C1orf185: variants seen among roughly 807,000 people sequenced by gnomAD.
C1orf185 encodes the protein chromosome 1 open reading frame 185.
C1orf185 carries 13 observed loss-of-function variants against 16.1 expected under a neutral mutation model. The observed-to-expected ratio is 0.81, with a 90% CI of 0.53 to 1.28. The LOEUF (loss-of-function observed/expected upper bound fraction) is 1.28, where lower values mean the gene tolerates loss of function less well. Among genes scored for constraint, C1orf185 ranks in the 50% most tolerant of loss-of-function variants. C1orf185 has a pLI of 0.00. For missense variants in C1orf185, 220 were observed against 225.2 expected (o/e 0.98, Z 0.15); for synonymous variants, 80 against 76.9 (o/e 1.04, Z -0.21).
intron 1 of C1orf185, among the ~76,000 whole-genome samples, chr1:51,106,668 G>C (rs1202090513): frequency 6.6e-6 from 1 of 151,732 alleles, no homozygotes; most frequent in Non-Finnish European, 1.5e-5. Context: ...TTGGAGAAAA[G>C]CAGAAAAAGG....
At chr1:51,132,094 A>G (rs1646289767) in intron 3 of C1orf185, among the ~76,000 whole-genome samples, 1 of 152,330 alleles carries the variant, frequency 6.6e-6, no homozygotes, top group Non-Finnish European at 1.5e-5. Flanking sequence ...GGTGAAAAGG[A>G]AAAAGAAAAC....
chr1:51,104,668 G>A (rs1469447463), intron 1 of C1orf185, among the ~76,000 whole-genome samples: 2 of 152,198 alleles, frequency 1.3e-5, no homozygotes, highest in African/African-American at 4.8e-5. Flanking sequence ...TTGTAAGCTG[G>A]AGGGTGCTGT....
At chr1:51,117,125 C>T (rs1646163665) in intron 2 of C1orf185, among the ~76,000 whole-genome samples, 2 of 152,184 alleles carry the variant, frequency 1.3e-5, no homozygotes, top group Admixed American at 1.3e-4. Context: ...TCTTTTTCCT[C>T]CTACCACTAT....
intron 3 of C1orf185, among the ~76,000 whole-genome samples, chr1:51,127,894 T>G (rs867937645): frequency 1.0e-4 from 15 of 147,716 alleles, no homozygotes; most frequent in African/African-American, 2.0e-4. Context: ...TGTTTTTTTT[T>G]TTTTTTTTTT....
At chr1:51,120,521 A>C (rs750155395) in intron 3 of C1orf185, among the ~76,000 whole-genome samples, 1 of 152,214 alleles carries the variant, frequency 6.6e-6, no homozygotes, top group Non-Finnish European at 1.5e-5. Context: ...TATTATTTTT[A>C]CTGGAAGATT....
chr1:51,118,575 A>T, intron 2 of C1orf185, 91 bp from the exon 3 acceptor site: 1 of 819,320 alleles, frequency 1.2e-6, no homozygotes, highest in Non-Finnish European at 1.7e-6. Context: ...TCTGATTTTA[A>T]AGCTTTATGT....
intron 3 of C1orf185, among the ~76,000 whole-genome samples, chr1:51,125,744 C>A (rs954044596): frequency 5.3e-5 from 8 of 152,082 alleles, no homozygotes; most frequent in African/African-American, 1.9e-4. Context: ...GAGCTGGAGT[C>A]TGGGAGCAGA....
intron 3 of C1orf185, among the ~76,000 whole-genome samples, chr1:51,127,196 C>T (rs917529849): frequency 6.6e-6 from 1 of 152,146 alleles, no homozygotes; most frequent in Non-Finnish European, 1.5e-5. Context: ...AAACAAACTA[C>T]AGAACATTTT....
intron 2 of C1orf185, among the ~76,000 whole-genome samples, 165 bp downstream of exon 2, chr1:51,112,734 A>G (rs551694740): frequency 1.3e-5 from 2 of 152,182 alleles, no homozygotes; most frequent in South Asian, 2.1e-4. Flanking sequence ...TACATTTTTT[A>G]AGTAGCCTGA....
At chr1:51,123,883 A>C (rs1246517305) in intron 3 of C1orf185, among the ~76,000 whole-genome samples, 1 of 151,794 alleles carries the variant, frequency 6.6e-6, no homozygotes, top group Non-Finnish European at 1.5e-5. Context: ...AAAGAATGTA[A>C]GTTTTAAAGA....
intron 3 of C1orf185, among the ~76,000 whole-genome samples, chr1:51,124,722 G>A (rs1646226370): frequency 6.6e-6 from 1 of 152,342 alleles, no homozygotes; most frequent in South Asian, 2.1e-4. Flanking sequence ...ATGGAAAGTG[G>A]TCATAACTTC....
chr1:51,124,143 G>A lies in C1orf185; in HGVS notation c.258+5342G>A, dbSNP rs536764247. Among the ~76,000 whole-genome samples, 22 of 148,764 alleles carry A rather than the reference G, an allele frequency of 1.5e-4. No homozygotes were observed. The South Asian group carries it at 3.4e-3, about 23-fold the overall frequency. On this transcript the variant is annotated intron_variant, in intron 3 of 4. Transcript: ENST00000371759. ...GTTGCCCAGGCTGGAGTGCAGTGGC[G>A]TGATCTCGGCTTGCTGCAAGCTTCG...
Position 51,131,262 on chromosome 1 carries a change from T to C in C1orf185, c.258+12461T>C, listed in dbSNP as rs147903409. 1.1e-4 allele frequency among the ~76,000 whole-genome samples: 16 copies of C among 152,354 alleles called. No individual in the cohort carries two copies. The East Asian group carries it at 3.1e-3, about 29-fold the overall frequency. On this transcript the variant is annotated intron_variant, in intron 3 of 4. Transcript: ENST00000371759. ...CAAGGTTCATTTGTGGCAGTACGCA[T>C]GTCTAATTGTTCCAGTATTATTTGT...
At chr1:51,136,014 C>T (rs1397894819) in intron 3 of C1orf185, among the ~76,000 whole-genome samples, 1 of 152,182 alleles carries the variant, frequency 6.6e-6, no homozygotes, top group Non-Finnish European at 1.5e-5. Context: ...ACACCAACAA[C>T]AGTCAAGTTG....
At chr1:51,107,977 C>T (rs980066016) in intron 1 of C1orf185, among the ~76,000 whole-genome samples, 3 of 152,280 alleles carry the variant, frequency 2.0e-5, no homozygotes, top group Admixed American at 2.0e-4. Context: ...TTTTTGTGAA[C>T]ACACATATGC....
intron 2 of C1orf185, among the ~76,000 whole-genome samples, chr1:51,113,351 CTG>C (rs1646136625): frequency 1.3e-5 from 2 of 151,620 alleles, no homozygotes; most frequent in Non-Finnish European, 2.9e-5. Flanking sequence ...GTAAAATTTG[CTG>C]TTTCTAATTA....
chr1:51,126,117 C>A (rs1344291420), intron 3 of C1orf185, among the ~76,000 whole-genome samples: 2 of 152,188 alleles, frequency 1.3e-5, no homozygotes, highest in Admixed American at 1.3e-4. Flanking sequence ...GGTCACATAT[C>A]AGGCATGATT....
intron 3 of C1orf185, among the ~76,000 whole-genome samples, chr1:51,124,077 G>GTT (rs1345838180): frequency 6.6e-5 from 9 of 137,056 alleles, no homozygotes; most frequent in African/African-American, 1.1e-4. Context: ...TTTCACTGTA[G>GTT]TTTGTTTTTT....
chr1:51,147,056 A>G (rs765297631), intron 4 of C1orf185, among the ~76,000 whole-genome samples: 9 of 152,176 alleles, frequency 5.9e-5, no homozygotes, highest in Non-Finnish European at 7.4e-5. Flanking sequence ...AGATTACTGT[A>G]GTAGTTATTT....
Sources: gnomAD v4.1 joint callset for allele counts (sites outside exome capture counted in the v4.1 genomes callset) on GRCh38, gnomAD v4.1.1 for gene constraint, MANE v1.5 for transcripts, NCBI Gene and HGNC (gene_info 2026-07-23, HGNC 2026-07-21) for gene names.